GRIK2: variants seen among roughly 807,000 people sequenced by gnomAD.
GRIK2 encodes the protein glutamate receptor ionotropic, kainate 2.
Under a neutral mutation model 100.3 loss-of-function variants are expected in GRIK2, and 32 were observed. The observed-to-expected ratio is 0.32, with a 90% CI of 0.24 to 0.43. The LOEUF is 0.43. Ranked by LOEUF, GRIK2 falls within the 20% of genes least tolerant of loss-of-function variation. The pLI is 1.00. For missense variants in GRIK2, 843 were observed against 1,114.9 expected (o/e 0.76, Z 3.47); for synonymous variants, 417 against 389.4 (o/e 1.07, Z -0.83).
intron 2 of GRIK2, among the ~76,000 whole-genome samples, chr6:101,542,592 T>C (rs1013918359): frequency 6.6e-6 from 1 of 152,114 alleles, no homozygotes; most frequent in African/African-American, 2.4e-5. Flanking sequence ...TTATAGTTTG[T>C]AGTATTTAAA....
At chr6:101,469,672 C>G (rs1388041788) in intron 2 of GRIK2, among the ~76,000 whole-genome samples, 1 of 152,134 alleles carries the variant, frequency 6.6e-6, no homozygotes, top group East Asian at 1.9e-4. Context: ...ATTCCCTTTT[C>G]TTCGTTTAAT....
chr6:101,510,011 C>T (rs905103897), intron 2 of GRIK2, among the ~76,000 whole-genome samples: 2 of 152,036 alleles, frequency 1.3e-5, no homozygotes, highest in Non-Finnish European at 2.9e-5. Context: ...GTGAAATATG[C>T]ATTTATTTAA....
intron 12 of GRIK2, among the ~76,000 whole-genome samples, chr6:101,922,101 T>G (rs539205855): frequency 4.3e-5 from 1 of 22,994 alleles, no homozygotes; most frequent in African/African-American, 2.1e-4. Flanking sequence ...CCTTCCTTCC[T>G]TCCTTCCTTC....
At chr6:101,981,813 T>TAAA (rs143911241) in intron 14 of GRIK2, among the ~76,000 whole-genome samples, 3 of 150,292 alleles carry the variant, frequency 2.0e-5, no homozygotes, top group African/African-American at 7.3e-5. Flanking sequence ...AAAGTGGAGG[T>TAAA]AAAAAAAAAG....
intron 15 of GRIK2, among the ~76,000 whole-genome samples, chr6:102,045,398 C>A (rs1770830046): frequency 1.3e-5 from 2 of 151,968 alleles, no homozygotes; most frequent in Admixed American, 1.3e-4. Context: ...CATCTACATT[C>A]CAGTTTTGGA....
chr6:101,779,237 C>A (rs1288956154), intron 7 of GRIK2, among the ~76,000 whole-genome samples: 1 of 152,004 alleles, frequency 6.6e-6, no homozygotes, highest in East Asian at 1.9e-4. Flanking sequence ...AGTGACTAAG[C>A]CTATTTCTGT....
intron 2 of GRIK2, among the ~76,000 whole-genome samples, chr6:101,440,262 C>A (rs1424401289): frequency 6.6e-6 from 1 of 152,068 alleles, no homozygotes; most frequent in Non-Finnish European, 1.5e-5. Context: ...AGGTATAAGA[C>A]ACAGCATGGG....
intron 14 of GRIK2, among the ~76,000 whole-genome samples, chr6:101,939,820 A>C (rs1452688061): frequency 6.6e-6 from 1 of 152,168 alleles, no homozygotes; most frequent in Non-Finnish European, 1.5e-5. Context: ...AACTAAACTG[A>C]GGGACTTAGG....
At chr6:101,425,491 G>T (rs1003957734) in intron 2 of GRIK2, among the ~76,000 whole-genome samples, 1 of 152,068 alleles carries the variant, frequency 6.6e-6, no homozygotes, top group Non-Finnish European at 1.5e-5. Flanking sequence ...TCACACAACT[G>T]CTGATAGTAT....
intron 14 of GRIK2, among the ~76,000 whole-genome samples, chr6:101,989,670 T>C (rs1050185098): frequency 3.3e-5 from 5 of 151,620 alleles, no homozygotes; most frequent in African/African-American, 1.2e-4. Context: ...CTATGTTACA[T>C]TGTAAAAATG....
At position 101,858,531 on chromosome 6, in the gene GRIK2, C is replaced by T. The variant is rs765872599; in HGVS notation, c.1318-756C>T. ...CCTCCTGAATAGCTGGGACTACAGG[C>T]GCCCGCCACTACGCCCAGCTAATTT... On this transcript the variant is annotated intron_variant, in intron 10 of 16. Transcript: ENST00000369134. 2.9e-4 allele frequency among the ~76,000 whole-genome samples: 43 copies of T among 150,474 alleles called. 1 individual carries two copies. In the Middle Eastern group the frequency reaches 0.01, roughly 36 times the overall value.
At chr6:102,031,076 T>TAC (rs55900001) in intron 14 of GRIK2, among the ~76,000 whole-genome samples, 11,230 of 118,184 alleles carry the variant, frequency 0.095, 549 homozygotes, top group East Asian at 0.14. Flanking sequence ...TATTATGCAT[T>TAC]ACACACACAC....
chr6:101,882,183 T>C (rs1424228630), intron 11 of GRIK2, among the ~76,000 whole-genome samples: 1 of 152,092 alleles, frequency 6.6e-6, no homozygotes, highest in Non-Finnish European at 1.5e-5. Flanking sequence ...AACACCTGTA[T>C]ATTAAGGGAG....
At chr6:101,928,788 G>C (rs552564107) in intron 14 of GRIK2, among the ~76,000 whole-genome samples, 156 bp downstream of exon 14, 3 of 152,116 alleles carry the variant, frequency 2.0e-5, no homozygotes, top group African/African-American at 7.2e-5. Flanking sequence ...ACAACTGAAC[G>C]TATGCTCATC....
chr6:101,857,876 C>A (rs980067832), intron 10 of GRIK2, among the ~76,000 whole-genome samples: 3 of 152,172 alleles, frequency 2.0e-5, no homozygotes, highest in Non-Finnish European at 4.4e-5. Context: ...AGATCTTGTT[C>A]AACCAACTCA....
At chr6:101,931,451 A>G (rs533532063) in intron 14 of GRIK2, among the ~76,000 whole-genome samples, 10 of 152,286 alleles carry the variant, frequency 6.6e-5, no homozygotes, top group African/African-American at 2.4e-4. Flanking sequence ...AAATTATTAT[A>G]AAAAACGATA....
At chr6:101,789,451 A>G (rs1779673443) in intron 7 of GRIK2, among the ~76,000 whole-genome samples, 1 of 152,136 alleles carries the variant, frequency 6.6e-6, no homozygotes, top group Non-Finnish European at 1.5e-5. Flanking sequence ...AGCACCATTT[A>G]TTAAATAGGG....
At chr6:102,052,505 G>T (rs1049473470) in intron 15 of GRIK2, among the ~76,000 whole-genome samples, 2 of 152,274 alleles carry the variant, frequency 1.3e-5, no homozygotes, top group East Asian at 3.9e-4. Flanking sequence ...AAGTCAAGCG[G>T]TGTCTCACTT....
intron 14 of GRIK2, among the ~76,000 whole-genome samples, chr6:102,027,688 A>G (rs1769774880): frequency 6.6e-6 from 1 of 151,150 alleles, no homozygotes; most frequent in South Asian, 2.1e-4. Flanking sequence ...GAGGTTACAC[A>G]AATATTGATA....
Sources: gnomAD v4.1 joint callset for allele counts (sites outside exome capture counted in the v4.1 genomes callset) on GRCh38, gnomAD v4.1.1 for gene constraint, MANE v1.5 for transcripts, NCBI Gene and HGNC (gene_info 2026-07-23, HGNC 2026-07-21) for gene names.